Variants in MAML3 observed in about 807,000 individuals in gnomAD.
MAML3 encodes mastermind-like protein 3.
Under a neutral mutation model 101.9 loss-of-function variants are expected in MAML3, and 27 were observed. The observed-to-expected ratio is 0.27, with a 90% CI of 0.20 to 0.37. MAML3 has a LOEUF of 0.37. Among genes scored for constraint, MAML3 ranks in the 10% least tolerant of loss-of-function variants. The pLI is 1.00. For synonymous variants in MAML3, 501 were observed against 555.9 expected (o/e 0.90, Z 1.39); for missense variants, 1,316 against 1,444.9 (o/e 0.91, Z 1.45).
Position 140,146,169 on chromosome 4 carries a change from G to A in MAML3, c.468+6691C>T, listed in dbSNP as rs114927704. 5.9e-3 allele frequency among the ~76,000 whole-genome samples: 905 copies of A among 152,200 alleles called. 8 individuals are homozygous for A. The highest frequency in any genetic ancestry group is 0.021 in the African/African-American group (860 of 41,516). On this transcript the variant is annotated intron_variant, in intron 1 of 4. Coordinates refer to ENST00000509479, the MANE Select transcript of MAML3 (RefSeq NM_018717.5). Reference sequence around the variant, plus strand: ...ATTACAGGTATGAGCCACTGTGCCCGGCCACCTTTTGAGATTTTTTAATTA... The same window carrying A: ...ATTACAGGTATGAGCCACTGTGCCCAGCCACCTTTTGAGATTTTTTAATTA...
At chr4:139,760,576 T>C (rs1187345698) in intron 2 of MAML3, among the ~76,000 whole-genome samples, 1 of 152,196 alleles carries the variant, frequency 6.6e-6, no homozygotes, top group Non-Finnish European at 1.5e-5. Flanking sequence ...CAAGAGTTCA[T>C]TGTATACAGA....
At chr4:140,083,978 A>C (rs1727910774) in intron 1 of MAML3, among the ~76,000 whole-genome samples, 1 of 30,520 alleles carries the variant, frequency 3.3e-5, no homozygotes. Context: ...AGAGAGAGAG[A>C]GAGAGAGAGA....
At chr4:139,926,425 C>G (rs769687) in intron 1 of MAML3, among the ~76,000 whole-genome samples, 152,144 of 152,222 alleles carry the variant, frequency 1, 76,033 homozygotes, top group Middle Eastern at 1. Flanking sequence ...AGGGTGAAAC[C>G]CTCTCTCTAC....
intron 1 of MAML3, among the ~76,000 whole-genome samples, chr4:140,000,952 T>C (rs1247278883): frequency 6.6e-6 from 1 of 151,966 alleles, no homozygotes; most frequent in Non-Finnish European, 1.5e-5. Flanking sequence ...CACTTGAACC[T>C]GGGAGGTGGA....
At chr4:139,902,845 T>C (rs762797632) in intron 1 of MAML3, among the ~76,000 whole-genome samples, 2 of 152,258 alleles carry the variant, frequency 1.3e-5, no homozygotes, top group African/African-American at 4.8e-5. Context: ...ATTTCAATTA[T>C]GTACAGGGAG....
chr4:139,765,296 A>G (rs1346885358), intron 2 of MAML3, among the ~76,000 whole-genome samples: 1 of 152,262 alleles, frequency 6.6e-6, no homozygotes, highest in Non-Finnish European at 1.5e-5. Flanking sequence ...ATTAAAAATG[A>G]AATTACTTGC....
chr4:139,883,604 C>G (rs1732263657), intron 2 of MAML3, among the ~76,000 whole-genome samples: 1 of 151,918 alleles, frequency 6.6e-6, no homozygotes, highest in South Asian at 2.1e-4. Flanking sequence ...GTAGCTGCAC[C>G]CCCCATCTTC....
chr4:140,141,780 C>T (rs1240434757), intron 1 of MAML3, among the ~76,000 whole-genome samples: 1 of 152,138 alleles, frequency 6.6e-6, no homozygotes, highest in Non-Finnish European at 1.5e-5. Context: ...AGAGTTGATA[C>T]TTTTTTAAGC....
chr4:140,153,478 A>C lies in MAML3; in HGVS notation c.-151T>G. ...AAACGGCGATCCCGACGGGGCGAAA[A>C]AAACGGGGGGGGAGATTTTGGGGTG... On this transcript the variant is annotated 5_prime_UTR_variant, in exon 1 of 5. Transcript: ENST00000509479. 2 of 833,480 alleles carry C rather than the reference A, an allele frequency of 2.4e-6. No homozygotes were observed. Among genetic ancestry groups the C allele is most frequent in the East Asian group, 3.5e-5 (1 of 28,186 alleles). The allele number at this position is 833,480 out of a possible 1,614,324, so 51.6% of individuals were successfully genotyped here.
intron 2 of MAML3, among the ~76,000 whole-genome samples, chr4:139,829,001 G>A (rs982406490): frequency 7.5e-6 from 1 of 132,550 alleles, no homozygotes; most frequent in Non-Finnish European, 1.6e-5. Flanking sequence ...AAGGAAGGAA[G>A]GAAGGAAGGA....
intron 1 of MAML3, among the ~76,000 whole-genome samples, chr4:139,928,575 T>A (rs1423541279): frequency 6.6e-6 from 1 of 151,968 alleles, no homozygotes; most frequent in Non-Finnish European, 1.5e-5. Flanking sequence ...TCTGTAAAGA[T>A]TAGGGGAAAG....
intron 2 of MAML3, among the ~76,000 whole-genome samples, chr4:139,788,432 T>G (rs1451233263): frequency 1.3e-5 from 2 of 152,230 alleles, no homozygotes; most frequent in Non-Finnish European, 2.9e-5. Flanking sequence ...GAAAGATATG[T>G]CACATCCTGT....
At chr4:139,753,461 T>C (rs934110311) in intron 2 of MAML3, among the ~76,000 whole-genome samples, 2 of 152,132 alleles carry the variant, frequency 1.3e-5, no homozygotes, top group African/African-American at 2.4e-5. Flanking sequence ...TTAATATGCA[T>C]GATGGAGAAA....
intron 1 of MAML3, among the ~76,000 whole-genome samples, chr4:139,988,367 C>G (rs1028462560): frequency 1.3e-5 from 2 of 151,338 alleles, no homozygotes; most frequent in African/African-American, 4.9e-5. Context: ...GTGAACTGTC[C>G]CACCATTACT....
chr4:140,116,200 A>G (rs1359431128), intron 1 of MAML3, among the ~76,000 whole-genome samples: 1 of 152,192 alleles, frequency 6.6e-6, no homozygotes, highest in Non-Finnish European at 1.5e-5. Context: ...ATAAGGCAAA[A>G]AGCCTTATGA....
rs72933798 is a variant in MAML3, at chr4:140,021,759, C to T, written c.469-130792G>A. ...CACTCACCAACCTCCCTTCTTCCTC[C>T]GCTTCCTGGTGCCACTGATCCCAAT... On this transcript the variant is annotated intron_variant, in intron 1 of 4. Transcript: ENST00000509479. 7.9e-3 allele frequency among the ~76,000 whole-genome samples: 1,208 copies of T among 152,214 alleles called. 19 individuals carry two copies. The highest frequency in any genetic ancestry group is 0.027 in the African/African-American group (1,131 of 41,526).
At chr4:140,097,462 C>T (rs1728182887) in intron 1 of MAML3, among the ~76,000 whole-genome samples, 1 of 151,996 alleles carries the variant, frequency 6.6e-6, no homozygotes, top group South Asian at 2.1e-4. Flanking sequence ...CAAGTACAAC[C>T]AAAGTAAATC....
intron 2 of MAML3, among the ~76,000 whole-genome samples, chr4:139,779,480 A>C (rs1223399413): frequency 6.6e-6 from 1 of 152,244 alleles, no homozygotes; most frequent in Non-Finnish European, 1.5e-5. Context: ...TTTCAGGTTT[A>C]TAGCCCTGAT....
intron 1 of MAML3, among the ~76,000 whole-genome samples, chr4:140,041,981 AG>A (rs2110909220): frequency 6.6e-6 from 1 of 152,348 alleles, no homozygotes; most frequent in South Asian, 2.1e-4. Context: ...AGGTCTTACT[AG>A]GTATAAGGTA....
Sources: gnomAD v4.1 joint callset for allele counts (sites outside exome capture counted in the v4.1 genomes callset) on GRCh38, gnomAD v4.1.1 for gene constraint, MANE v1.5 for transcripts, NCBI Gene and HGNC (gene_info 2026-07-23, HGNC 2026-07-21) for gene names.